KIF13B: variants seen among roughly 807,000 people sequenced by gnomAD.
KIF13B encodes the protein kinesin-like protein KIF13B.
KIF13B carries 127 observed loss-of-function variants against 222.0 expected under a neutral mutation model. That is an observed-to-expected ratio of 0.57 (90% confidence interval 0.50 to 0.66). The LOEUF (loss-of-function observed/expected upper bound fraction) is 0.66, where lower values mean the gene tolerates loss of function less well. Ranked by LOEUF, KIF13B falls within the 30% of genes least tolerant of loss-of-function variation. The pLI, the probability that KIF13B is intolerant of heterozygous loss-of-function variation, is 0.00. For synonymous variants in KIF13B, 976 were observed against 919.0 expected, an observed-to-expected ratio of 1.06 and a Z score of -1.12; for missense variants, 2,173 against 2,379.0, an observed-to-expected ratio of 0.91 and a Z score of 1.80.
At position 29,068,427 on chromosome 8, in the gene KIF13B, G is replaced by A. The variant is rs567993615; in HGVS notation, c.*2077C>T. ...CCCAGCCACAAGCTGACATTAGTCC[G>A]CACCGAGAAGCAAGAGTGAACAGGG... On this transcript the variant is annotated 3_prime_UTR_variant, in exon 40 of 40. Transcript: ENST00000524189. The surrounding 1 kb of genome is among the most constrained non-coding windows in gnomAD (Gnocchi z 4.4). The A allele has an allele frequency of 5.0e-4, 76 of 152,370 alleles. 2 individuals carry two copies. Among genetic ancestry groups the A allele is most frequent in the African/African-American group, 1.5e-3 (62 of 41,532 alleles). 9.4% of individuals were successfully genotyped at this position (152,370 alleles called of 1,614,324 possible).
chr8:29,163,048 CT>C (rs1811850215), intron 12 of KIF13B, among the ~76,000 whole-genome samples: 1 of 152,166 alleles, frequency 6.6e-6, no homozygotes, highest in Admixed American at 6.5e-5. Context: ...CTGTCAACCC[CT>C]GATCTATCTC....
rs34745229 is a variant in KIF13B, at chr8:29,113,472, A to G, written c.3921T>C (p.Asn1307=). The change falls in exon 32 of 40, where the codon AAT becomes AAC. Residue 1307 remains asparagine (N), a synonymous_variant. Transcript: ENST00000524189. ...GCGVTFEIVS[N]IPEDAQGVEE... The stretch of plus-strand genomic sequence containing the variant: ...ATTGTATATCCTTCACCTCTGGAAT[A>G]TTGGAGACAATTTCAAAAGTCACTC... 1,632 of 1,567,580 alleles carry G rather than the reference A, an allele frequency of 1.0e-3. 14 individuals carry two copies. In the African/African-American group the frequency reaches 0.018, roughly 18 times the overall value.
intron 2 of KIF13B, among the ~76,000 whole-genome samples, chr8:29,203,095 G>A (rs192216600): frequency 1.3e-5 from 2 of 152,282 alleles, no homozygotes; most frequent in Admixed American, 1.3e-4. Flanking sequence ...ACTTTTACAT[G>A]TCATCTCGGC....
chr8:29,130,486 C>G (rs753468089), intron 24 of KIF13B, 47 bp downstream of exon 24: 2 of 1,601,040 alleles, frequency 1.2e-6, no homozygotes, highest in Admixed American at 3.4e-5. Flanking sequence ...CAATATTAAG[C>G]TTTCTGGCAC....
chr8:29,159,067 C>T lies in KIF13B; in HGVS notation c.1404+1666G>A, dbSNP rs139089356. On this transcript the variant is annotated intron_variant, in intron 13 of 39. Transcript: ENST00000524189. Reference sequence around the variant, plus strand: ...AGTCAGCTCGTTAGCTTTACTTTCCCGGTCACATTCATATGAATATCCCCA... The same window carrying T: ...AGTCAGCTCGTTAGCTTTACTTTCCTGGTCACATTCATATGAATATCCCCA... Among the ~76,000 whole-genome samples the T allele has an allele frequency of 3.6e-3, 547 of 152,290 alleles. 6 individuals are homozygous for T. The highest frequency in any genetic ancestry group is 0.012 in the African/African-American group (519 of 41,554).
intron 2 of KIF13B, among the ~76,000 whole-genome samples, chr8:29,204,421 G>C (rs2130435282): frequency 6.6e-6 from 1 of 152,270 alleles, no homozygotes; most frequent in Non-Finnish European, 1.5e-5. Flanking sequence ...CTATAAGAAA[G>C]CTTAAATCTA....
chr8:29,227,525 G>T (rs930964992), intron 2 of KIF13B, among the ~76,000 whole-genome samples: 4 of 152,038 alleles, frequency 2.6e-5, no homozygotes, highest in African/African-American at 9.7e-5. Context: ...CCTGACCTAG[G>T]TATATTTCAA....
At chr8:29,239,926 C>A (rs533852677) in intron 2 of KIF13B, among the ~76,000 whole-genome samples, 5 of 151,328 alleles carry the variant, frequency 3.3e-5, no homozygotes, top group Non-Finnish European at 5.9e-5. Flanking sequence ...GCCTCTCAAA[C>A]TGCTGGGATT....
intron 6 of KIF13B, 85 bp from the exon 7 acceptor site, chr8:29,182,091 T>C (rs1563766609): frequency 9.8e-7 from 1 of 1,021,550 alleles, no homozygotes; most frequent in Non-Finnish European, 1.5e-6. Context: ...AAATATACAA[T>C]GAATCCAAGA....
intron 5 of KIF13B, among the ~76,000 whole-genome samples, chr8:29,187,764 CT>C (rs1563770994): frequency 6.6e-6 from 1 of 152,018 alleles, no homozygotes; most frequent in Non-Finnish European, 1.5e-5. Flanking sequence ...ATCATAATAC[CT>C]AAAGCTAATG....
Position 29,130,548 on chromosome 8 carries a change from G to A in KIF13B, c.3060C>T (p.Ile1020=), listed in dbSNP as rs748373907. 3 of 1,613,692 alleles carry A rather than the reference G, an allele frequency of 1.9e-6. No homozygotes were observed. The highest frequency in any genetic ancestry group is 1.7e-5 in the Admixed American group (1 of 59,994). ...ATCTTGTTACCTGCCGGAGCTGGAA[G>A]ATTCCTCCTGTTGGGACATCCTTTG... is the stretch of plus-strand genomic sequence containing the variant. ...ISAKDVPTGG[I]FQLRQGQSRR... The change falls in exon 24 of 40, where the codon ATC becomes ATT. Residue 1020 remains isoleucine (I), a synonymous_variant. Coordinates refer to ENST00000524189, the MANE Select transcript of KIF13B (RefSeq NM_015254.4).
chr8:29,247,463 G>C (rs1057251361), intron 1 of KIF13B, among the ~76,000 whole-genome samples: 1 of 152,098 alleles, frequency 6.6e-6, no homozygotes, highest in South Asian at 2.1e-4. Context: ...GAATGAAAAA[G>C]TATTTGCAAA....
chr8:29,152,720 TC>T (rs1811354473), intron 14 of KIF13B, among the ~76,000 whole-genome samples: 1 of 152,136 alleles, frequency 6.6e-6, no homozygotes, highest in Non-Finnish European at 1.5e-5. Context: ...CAGGCGATGC[TC>T]CTGCCTCAAC....
At chr8:29,123,023 G>A (rs975069253) in intron 28 of KIF13B, among the ~76,000 whole-genome samples, 15 of 152,136 alleles carry the variant, frequency 9.9e-5, no homozygotes, top group African/African-American at 2.2e-4. Flanking sequence ...CCAAAATCGC[G>A]TGGAGATGCA....
At chr8:29,205,082 G>A (rs1386025394) in intron 2 of KIF13B, among the ~76,000 whole-genome samples, 1 of 152,126 alleles carries the variant, frequency 6.6e-6, no homozygotes, top group Admixed American at 6.5e-5. Context: ...TCAGTATGTT[G>A]GGAGGCAAAG....
chr8:29,262,525 C>G (rs984728810), intron 1 of KIF13B, among the ~76,000 whole-genome samples: 3 of 151,092 alleles, frequency 2.0e-5, no homozygotes, highest in African/African-American at 7.4e-5. Context: ...GGGCGAGACG[C>G]GGGGTCCCGG....
At position 29,151,216 on chromosome 8, in the gene KIF13B, T is replaced by C. The variant is rs138436164; in HGVS notation, c.1536-833A>G. ...ACCCAGAGCAAGGTCCTAACTCTCT[T>C]TAATTCTATGAACTGGGAGAAGTGA... On this transcript the variant is annotated intron_variant, in intron 14 of 39. Transcript: ENST00000524189. Among the ~76,000 whole-genome samples the C allele has an allele frequency of 2.5e-4, 38 of 152,302 alleles. 1 individual carries two copies. The highest frequency in any genetic ancestry group is 8.7e-4 in the African/African-American group (36 of 41,556).
At chr8:29,136,014 C>T (rs973832272) in intron 21 of KIF13B, among the ~76,000 whole-genome samples, 21 of 152,002 alleles carry the variant, frequency 1.4e-4, no homozygotes, top group Non-Finnish European at 2.6e-4. Flanking sequence ...AACAGGAACC[C>T]CCGTTATAAT....
intron 2 of KIF13B, among the ~76,000 whole-genome samples, chr8:29,216,807 G>A (rs1563797387): frequency 6.6e-6 from 1 of 152,102 alleles, no homozygotes; most frequent in Non-Finnish European, 1.5e-5. Context: ...GCCTGAGACT[G>A]GGCTATGACC....
Sources: gnomAD v4.1 joint callset for allele counts (sites outside exome capture counted in the v4.1 genomes callset) on GRCh38, gnomAD v4.1.1 for gene constraint, Gnocchi (gnomAD v3.1) non-coding constraint, MANE v1.5 for transcripts, NCBI Gene and HGNC (gene_info 2026-07-23, HGNC 2026-07-21) for gene names.